Variants in PSG6 observed in about 807,000 individuals in gnomAD.
PSG6 encodes pregnancy-specific beta-1-glycoprotein 6.
Under a neutral mutation model 43.3 loss-of-function variants are expected in PSG6, and 51 were observed. The ratio of observed to expected loss-of-function variants is 1.18; its 90% CI spans 0.94 to 1.49. PSG6 has a LOEUF of 1.49. Ranked by LOEUF, PSG6 falls within the 40% of genes most tolerant of loss-of-function variation. The pLI, the probability that PSG6 is intolerant of heterozygous loss-of-function variation, is 0.00. For synonymous variants in PSG6, 292 were observed against 197.6 expected, an observed-to-expected ratio of 1.48 and a Z score of -4.01; for missense variants, 770 against 522.2, an observed-to-expected ratio of 1.47 and a Z score of -4.62.
In PSG6 at chr19:42,906,861, T is replaced by C. The variant is rs1600540096; in HGVS notation, c.1240+61A>G. The C allele has an allele frequency of 7.4e-6, 12 of 1,610,952 alleles. 1 individual carries two copies. In the East Asian group the frequency reaches 2.7e-4, roughly 36 times the overall value. On this transcript the variant is annotated intron_variant, in intron 5 of 5. Transcript: ENST00000187910. ...AATACAAATGTTTTCCTGACTCTTC[T>C]CTGAAAGCCAGATAGACTCCACCTA...
intron 2 of PSG6, among the ~76,000 whole-genome samples, chr19:42,914,846 T>G (rs1296535972): frequency 1.4e-5 from 2 of 146,760 alleles, no homozygotes; most frequent in Non-Finnish European, 3.0e-5. Flanking sequence ...TCCTTGATCC[T>G]CTCATGACGG....
chr19:42,905,337 T>C (rs576271077), intron 5 of PSG6, among the ~76,000 whole-genome samples: 1 of 151,660 alleles, frequency 6.6e-6, no homozygotes, highest in East Asian at 1.9e-4. Flanking sequence ...CTTAGAGATA[T>C]GCAAATCAAA....
intron 2 of PSG6, among the ~76,000 whole-genome samples, chr19:42,913,021 C>CT (rs905120987): frequency 4.0e-5 from 6 of 151,616 alleles, no homozygotes; most frequent in African/African-American, 1.2e-4. Flanking sequence ...TGTTGTTCCG[C>CT]TTTTTTTCCC....
chr19:42,914,304 G>C (rs1972281625), intron 2 of PSG6, among the ~76,000 whole-genome samples: 1 of 151,442 alleles, frequency 6.6e-6, no homozygotes, highest in South Asian at 2.1e-4. Context: ...CACAGTGTTA[G>C]CGGGAAGGGA....
rs1016642538 is a variant in PSG6, at chr19:42,917,851, C to G, written c.-59G>C. 10 of 1,571,118 alleles carry G rather than the reference C, an allele frequency of 6.4e-6. 1 individual carries two copies. The highest frequency in any genetic ancestry group is 6.9e-6 in the Non-Finnish European group (8 of 1,152,594). On this transcript the variant is annotated 5_prime_UTR_variant, in exon 1 of 6. Coordinates refer to ENST00000187910, the MANE Select transcript of PSG6 (RefSeq NM_001031850.4). Reference sequence around the variant, plus strand: ...GATGAGCCTAGGATCCAGAGACTTCCTGAGCAGGGCTGTCAGGTGTGCTGT... The same window carrying G: ...GATGAGCCTAGGATCCAGAGACTTCGTGAGCAGGGCTGTCAGGTGTGCTGT...
chr19:42,915,425 C>T (rs1336323857), intron 2 of PSG6: 1 of 152,066 alleles, frequency 6.6e-6, no homozygotes, highest in Non-Finnish European at 1.5e-5. Context: ...CTTCTCTCTT[C>T]TGTTTCTGCT....
intron 2 of PSG6, among the ~76,000 whole-genome samples, chr19:42,912,714 C>T (rs1480721350): frequency 2.0e-5 from 3 of 151,756 alleles, no homozygotes; most frequent in African/African-American, 7.3e-5. Context: ...GGTCAGGAAA[C>T]ACCACTAAAA....
chr19:42,910,536 T>C (rs773607400), intron 3 of PSG6, 44 bp downstream of exon 3: 7 of 1,612,468 alleles, frequency 4.3e-6, no homozygotes, highest in Non-Finnish European at 5.9e-6. Context: ...GCCACTTGTA[T>C]TTGGGATGGC....
Position 42,916,029 on chromosome 19 carries a change from G to A in PSG6, c.427+96C>T. 1.9e-6 allele frequency: 3 copies of A among 1,575,094 alleles called. No individual in the cohort carries two copies. The South Asian group carries it at 3.5e-5, about 19-fold the overall frequency. ...CCCAGCATGGGACATAATGCAGAGA[G>A]TGACACAGGCAGAGTCCAGGCCTGA... On this transcript the variant is annotated intron_variant, in intron 2 of 5. Coordinates refer to ENST00000187910, the MANE Select transcript of PSG6 (RefSeq NM_001031850.4).
chr19:42,905,818 C>G (rs1296930269), intron 5 of PSG6, among the ~76,000 whole-genome samples: 1 of 151,486 alleles, frequency 6.6e-6, no homozygotes, highest in Non-Finnish European at 1.5e-5. Flanking sequence ...AAGCCAGACA[C>G]AAAAGGATAA....
At position 42,916,285 on chromosome 19, in the gene PSG6, T is replaced by C. The variant is rs749101634; in HGVS notation, c.267A>G (p.Ile89Met). The stretch of plus-strand genomic sequence containing the variant: ...CTCGTCCACTGTAGGCAGGCCCATA[T>C]ATAATTTGACCGTGTACTACATATG... ...ITSYVVHGQIIYGPAYSGRET... is the reference protein window; with the variant it reads ...ITSYVVHGQIMYGPAYSGRET... The change falls in exon 2 of 6, where the codon ATA becomes ATG. Residue 89 changes from isoleucine (I) to methionine (M), a missense_variant. Physicochemically the swap from Ile to Met is conservative, Grantham distance 10 (BLOSUM62 1). Transcript: ENST00000187910. 3.2e-5 allele frequency: 51 copies of C among 1,611,982 alleles called. 2 individuals are homozygous for C. The East Asian group carries it at 9.6e-4, about 30-fold the overall frequency.
rs1430072615 is a variant in PSG6 at position 42,916,149 on chromosome 19, C to G, written c.403G>C (p.Gly135Arg). 1 of 1,611,644 alleles carries G rather than the reference C, an allele frequency of 6.2e-7. No homozygotes were observed. Among genetic ancestry groups the G allele is most frequent in the African/African-American group, 1.3e-5 (1 of 74,704 alleles). ...KRGDGTGGVT[G>R]YFTVTLYSET... is the part of the protein sequence containing the mutation. ...CAGTATAAGGTGACAGTGAAATATC[C>G]AGTTACTCCTCCAGTCCCATCGCCT... The change falls in exon 2 of 6, where the codon GGA becomes CGA. Residue 135 changes from glycine to arginine, a missense_variant. Physicochemically the swap from Gly to Arg is moderately radical, Grantham distance 125 (BLOSUM62 -2). Coordinates refer to ENST00000187910, the MANE Select transcript of PSG6 (RefSeq NM_001031850.4).
chr19:42,916,188 G>A lies in PSG6; in HGVS notation c.364C>T (p.His122Tyr), dbSNP rs139119415. 2.5e-3 allele frequency: 3,967 copies of A among 1,612,196 alleles called. 161 individuals are homozygous for A. The highest frequency in any genetic ancestry group is 0.018 in the South Asian group (1,653 of 90,630). Residue 122 changes from histidine to tyrosine, a missense_variant, in exon 2 of 6, where the codon CAC becomes TAC. By Grantham distance (83) the His-to-Tyr change is moderately conservative (BLOSUM62 2). Transcript: ENST00000187910. ...TQEDAGSYTL[H>Y]IIKRGDGTGG... is the part of the protein sequence containing the mutation. ...GTCCCATCGCCTCGCTTTATGATGT[G>A]TAAGGTGTAGGATCCTGCATCCTCC...
chr19:42,908,136 C>A (rs1972154328), intron 3 of PSG6, among the ~76,000 whole-genome samples: 2 of 151,772 alleles, frequency 1.3e-5, no homozygotes, highest in African/African-American at 4.8e-5. Context: ...CCTGGTACCC[C>A]TCCCAGTCCC....
chr19:42,907,033 T>C lies in PSG6; in HGVS notation c.1129A>G (p.Lys377Glu). 2 of 1,612,530 alleles carry C rather than the reference T, an allele frequency of 1.2e-6. No homozygotes were observed. The highest frequency in any genetic ancestry group is 1.7e-6 in the Non-Finnish European group (2 of 1,179,174). Residue 377 changes from lysine to glutamate, a missense_variant, in exon 5 of 6, where the codon AAG (lysine) becomes GAG (glutamate). Physicochemically the swap from Lys to Glu is moderately conservative, Grantham distance 56 (BLOSUM62 1). Coordinates refer to ENST00000187910, the MANE Select transcript of PSG6 (RefSeq NM_001031850.4). ...INGKFQLSGQ[K>E]LFIPQITTNH... ...GTAGTAATTTGGGGGATAAAGAGCT[T>C]TTGTCCTGATAGCTGAAACTTCCCA...
At chr19:42,902,856 C>T (rs1399894037) in intron 5 of PSG6, among the ~76,000 whole-genome samples, 2 of 151,486 alleles carry the variant, frequency 1.3e-5, no homozygotes, top group African/African-American at 4.9e-5. Context: ...TTCTTTCTCT[C>T]CCACAATTAG....
In PSG6 at chr19:42,916,176, G is replaced by A. The variant is rs752118246; in HGVS notation, c.376C>T (p.Arg126Ter). Residue 126 changes from arginine to a stop codon, truncating the protein, a stop_gained, in exon 2 of 6, where the codon CGA (arginine) becomes TGA (stop). Transcript: ENST00000187910. LOFTEE classifies it high-confidence loss of function. ...AGSYTLHIIKRGDGTGGVTGY... is the reference protein window; with the variant it reads ...AGSYTLHIIK The stretch of plus-strand genomic sequence containing the variant: ...GTTACTCCTCCAGTCCCATCGCCTC[G>A]CTTTATGATGTGTAAGGTGTAGGAT... 101 of 1,611,946 alleles carry A rather than the reference G, an allele frequency of 6.3e-5. 2 individuals carry two copies. The highest frequency in any genetic ancestry group is 3.2e-4 in the Admixed American group (19 of 59,886).
At position 42,910,609 on chromosome 19, in the gene PSG6, C is replaced by A. The variant is rs9748; in HGVS notation, c.677G>T (p.Arg226Leu). The change falls in exon 3 of 6, where the codon CGC becomes CTC. Residue 226 changes from arginine (R) to leucine (L), a missense_variant. Coordinates refer to ENST00000187910, the MANE Select transcript of PSG6 (RefSeq NM_001031850.4). ...CEIRNPVSAS[R>L]SDPVTLNLLP... ...GAGATTCAGGGTGACTGGGTCACTGCGGCTGGCACTCACTGGGTTCCGTAT... is the reference window on the plus strand; with the variant it reads ...GAGATTCAGGGTGACTGGGTCACTGAGGCTGGCACTCACTGGGTTCCGTAT... 7 of 1,612,346 alleles carry A rather than the reference C, an allele frequency of 4.3e-6. No homozygotes were observed. Among genetic ancestry groups the A allele is most frequent in the Non-Finnish European group, 5.9e-6 (7 of 1,179,248 alleles).
At position 42,917,850 on chromosome 19, in the gene PSG6, C is replaced by T; in HGVS notation, c.-58G>A. Reference sequence around the variant, plus strand: ...AGATGAGCCTAGGATCCAGAGACTTCCTGAGCAGGGCTGTCAGGTGTGCTG... The same window carrying T: ...AGATGAGCCTAGGATCCAGAGACTTTCTGAGCAGGGCTGTCAGGTGTGCTG... On this transcript the variant is annotated 5_prime_UTR_variant, in exon 1 of 6. Transcript: ENST00000187910. 1.3e-6 allele frequency: 2 copies of T among 1,578,694 alleles called. No individual in the cohort carries two copies. Among genetic ancestry groups the T allele is most frequent in the Non-Finnish European group, 1.7e-6 (2 of 1,157,806 alleles).
Sources: gnomAD v4.1 joint callset for allele counts (sites outside exome capture counted in the v4.1 genomes callset) on GRCh38, gnomAD v4.1.1 for gene constraint, MANE v1.5 for transcripts, NCBI Gene and HGNC (gene_info 2026-07-23, HGNC 2026-07-21) for gene names.